The following MAP3K9 variants were observed in gnomAD, a reference collection of about 807,000 sequenced individuals.
MAP3K9 encodes mixed lineage kinase 1 (tyr and ser/thr specificity).
In MAP3K9, 46 loss-of-function variants were observed where a neutral mutation model predicts 95.8. The ratio of observed to expected loss-of-function variants is 0.48; its 90% CI spans 0.38 to 0.61. MAP3K9 has a LOEUF of 0.61. MAP3K9 is among the 20% of genes least tolerant of loss of function. MAP3K9 has a pLI of 0.00. For missense variants in MAP3K9, 1,296 were observed against 1,474.3 expected (o/e 0.88, Z 1.98); for synonymous variants, 533 against 593.8 (o/e 0.90, Z 1.49).
Position 70,761,017 on chromosome 14 carries a change from C to T in MAP3K9, c.986G>A (p.Gly329Asp). ...TGGACCTTACCTCCACACATCACTGCCTTTGGAAAACATGGAGGCCCGGAT... is the reference window on the plus strand; with the variant it reads ...TGGACCTTACCTCCACACATCACTGTCTTTGGAAAACATGGAGGCCCGGAT... ...EVIRASMFSK[G>D]SDVWSYGVLL... The change falls in exon 3 of 12, where the codon GGC becomes GAC. Residue 329 changes from glycine (G) to aspartate (D), a missense_variant. This residue lies in a region of MAP3K9 where 136 missense variants were observed against 221.5 expected (regional missense o/e 0.61). Coordinates refer to ENST00000554752, the MANE Select transcript of MAP3K9 (RefSeq NM_001284230.2). 6.2e-7 allele frequency: 1 copy of T among 1,613,870 alleles called. No individual in the cohort carries two copies. The highest frequency in any genetic ancestry group is 8.5e-7 in the Non-Finnish European group (1 of 1,179,964).
intron 2 of MAP3K9, among the ~76,000 whole-genome samples, chr14:70,769,587 C>CG (rs1338628015): frequency 6.6e-6 from 1 of 152,212 alleles, no homozygotes; most frequent in African/African-American, 2.4e-5. Flanking sequence ...ATCAAGGTGT[C>CG]GGCAGGGCCA....
intron 6 of MAP3K9, among the ~76,000 whole-genome samples, chr14:70,741,565 G>T (rs2054070159): frequency 6.6e-6 from 1 of 152,186 alleles, no homozygotes; most frequent in Admixed American, 6.5e-5. Flanking sequence ...CCCCAAGGCT[G>T]CAGTACAACA....
At chr14:70,806,728 GA>G (rs1399340581) in intron 1 of MAP3K9, among the ~76,000 whole-genome samples, 1 of 152,204 alleles carries the variant, frequency 6.6e-6, no homozygotes, top group Non-Finnish European at 1.5e-5. Flanking sequence ...CAGAGCACAA[GA>G]TATTGAAGAA....
At chr14:70,769,482 A>G (rs527733770) in intron 2 of MAP3K9, among the ~76,000 whole-genome samples, 1 of 152,348 alleles carries the variant, frequency 6.6e-6, no homozygotes, top group South Asian at 2.1e-4. Context: ...TGTGTGTTGT[A>G]GCCTCCTAGG....
chr14:70,761,662 C>T (rs1374786238), intron 2 of MAP3K9, among the ~76,000 whole-genome samples: 1 of 152,146 alleles, frequency 6.6e-6, no homozygotes, highest in African/African-American at 2.4e-5. Context: ...TAATCATGTC[C>T]TCAAATACCG....
At chr14:70,737,153 A>C (rs1029242537) in intron 8 of MAP3K9, among the ~76,000 whole-genome samples, 4 of 152,242 alleles carry the variant, frequency 2.6e-5, no homozygotes, top group African/African-American at 9.6e-5. Flanking sequence ...AACACCAAGA[A>C]TATGAAGTAT....
chr14:70,735,021 C>T (rs75221086), intron 9 of MAP3K9, among the ~76,000 whole-genome samples: 6 of 152,240 alleles, frequency 3.9e-5, no homozygotes, highest in Non-Finnish European at 5.9e-5. Flanking sequence ...CAAAGCCATC[C>T]CCTTTTTAAA....
In MAP3K9 at chr14:70,723,411, G is replaced by T. The variant is rs2053779074; in HGVS notation, c.*6969C>A. ...AACAGGGCGAGGAAGGCAGCCAGCA[G>T]CATCAAGGATGTCAGCTGAGACGTG... On this transcript the variant is annotated 3_prime_UTR_variant, in exon 12 of 12. Transcript: ENST00000554752. 1 of 152,450 alleles carries T rather than the reference G, an allele frequency of 6.6e-6. No homozygotes were observed. Among genetic ancestry groups the T allele is most frequent in the Admixed American group, 6.5e-5 (1 of 15,272 alleles). 9.4% of individuals were successfully genotyped at this position (152,450 alleles called of 1,614,324 possible).
At chr14:70,788,828 C>T (rs2054776350) in intron 2 of MAP3K9, among the ~76,000 whole-genome samples, 1 of 152,176 alleles carries the variant, frequency 6.6e-6, no homozygotes, top group South Asian at 2.1e-4. Context: ...GCCAGACATG[C>T]TCCGTTTACC....
rs983765693 is a variant in MAP3K9, at chr14:70,774,507, A to G, written c.821-13325T>C. 9.9e-5 allele frequency among the ~76,000 whole-genome samples: 15 copies of G among 151,742 alleles called. 1 individual carries two copies. Among genetic ancestry groups the G allele is most frequent in the Non-Finnish European group, 8.8e-5 (6 of 67,968 alleles). ...GTGAAACCCCATCCCTACTAAAAAT[A>G]CAAAAATTAGCCAGGCGTGGTGGTG... is the stretch of plus-strand genomic sequence containing the variant. On this transcript the variant is annotated intron_variant, in intron 2 of 11. Transcript: ENST00000554752.
rs1166800656 is a variant in MAP3K9, at chr14:70,808,893, G to A, written c.279C>T (p.Gly93=). ...SKDSQVSGDE[G]WWTGQLNQRV... ...GCTGGTTCAGCTGCCCGGTCCACCA[G>A]CCCTCGTCGCCGGACACCTGCGAGT... Residue 93 remains glycine, a synonymous_variant, in exon 1 of 12, where the codon GGC becomes GGT. Transcript: ENST00000554752. 1 of 1,597,398 alleles carries A rather than the reference G, an allele frequency of 6.3e-7. No homozygotes were observed.
At chr14:70,759,765 T>A (rs1445418050) in intron 3 of MAP3K9, among the ~76,000 whole-genome samples, 1 of 152,186 alleles carries the variant, frequency 6.6e-6, no homozygotes, top group African/African-American at 2.4e-5. Context: ...CATGCTTATT[T>A]ACTTCTTGAG....
At chr14:70,740,019 G>A (rs1231711951) in intron 7 of MAP3K9, 23 bp downstream of exon 7, 1 of 1,614,082 alleles carries the variant, frequency 6.2e-7, no homozygotes, top group Non-Finnish European at 8.5e-7. Context: ...TCTGGCCCCA[G>A]CTAATTTGGG....
At chr14:70,804,323 G>C (rs888351814) in intron 1 of MAP3K9, among the ~76,000 whole-genome samples, 3 of 152,180 alleles carry the variant, frequency 2.0e-5, no homozygotes, top group African/African-American at 7.2e-5. Context: ...CTGAGCCCCA[G>C]AATGAATCCA....
At chr14:70,758,378 T>C (rs1217055596) in intron 3 of MAP3K9, among the ~76,000 whole-genome samples, 1 of 152,112 alleles carries the variant, frequency 6.6e-6, no homozygotes, top group African/African-American at 2.4e-5. Flanking sequence ...AATAACTTTT[T>C]TTTTAAAAAA....
intron 1 of MAP3K9, among the ~76,000 whole-genome samples, chr14:70,805,342 G>C (rs1301918188): frequency 6.6e-6 from 1 of 152,146 alleles, no homozygotes. Flanking sequence ...TGCCCTGTTT[G>C]AAAACTGAAA....
intron 3 of MAP3K9, among the ~76,000 whole-genome samples, chr14:70,758,376 T>C (rs2054325100): frequency 6.6e-6 from 1 of 152,050 alleles, no homozygotes; most frequent in South Asian, 2.1e-4. Context: ...ATAATAACTT[T>C]TTTTTTAAAA....
At chr14:70,793,927 C>T (rs2054834215) in intron 2 of MAP3K9, among the ~76,000 whole-genome samples, 1 of 152,218 alleles carries the variant, frequency 6.6e-6, no homozygotes, top group African/African-American at 2.4e-5. Context: ...GTTGAACTTG[C>T]AGCCATTAGA....
rs1009087684 is a variant in MAP3K9 at position 70,780,705 on chromosome 14, C to A, written c.821-19523G>T. 2.0e-5 allele frequency among the ~76,000 whole-genome samples: 3 copies of A among 152,210 alleles called. No individual in the cohort carries two copies. In the South Asian group the frequency reaches 6.2e-4, roughly 31 times the overall value. ...CAGAAAGCCAGAGGCTTTTGTGCAG[C>A]CACTTTCCTTACTAAAGAACATCTC... On this transcript the variant is annotated intron_variant, in intron 2 of 11. Coordinates refer to ENST00000554752, the MANE Select transcript of MAP3K9 (RefSeq NM_001284230.2).
Sources: allele counts gnomAD v4.1 joint callset (sites outside exome capture counted in the v4.1 genomes callset), GRCh38; gene constraint gnomAD v4.1.1; regional missense constraint gnomAD v4.1.1; transcripts MANE v1.5; gene names NCBI Gene and HGNC (gene_info 2026-07-23, HGNC 2026-07-21).